The following ARPC1B variants were observed in gnomAD, a reference collection of about 807,000 sequenced individuals.
ARPC1B encodes the protein actin related protein 2/3 complex subunit 1B, also known as actin-related protein 2/3 complex subunit 1B.
In ARPC1B, 29 loss-of-function variants were observed where a neutral mutation model predicts 46.0. The ratio of observed to expected loss-of-function variants is 0.63; its 90% CI spans 0.47 to 0.86. The LOEUF (loss-of-function observed/expected upper bound fraction) is 0.86, where lower values mean the gene tolerates loss of function less well. Among genes scored for constraint, ARPC1B ranks in the 40% least tolerant of loss-of-function variants. The pLI, the probability that ARPC1B is intolerant of heterozygous loss-of-function variation, is 0.00. For missense variants in ARPC1B, 469 were observed against 529.4 expected, an observed-to-expected ratio of 0.89 and a Z score of 1.12; for synonymous variants, 201 against 213.9, an observed-to-expected ratio of 0.94 and a Z score of 0.53.
Position 99,391,099 on chromosome 7 carries a change from C to A in ARPC1B, c.707C>A (p.Ala236Asp). 6.2e-7 allele frequency: 1 copy of A among 1,612,828 alleles called. No homozygotes were observed. Among genetic ancestry groups the A allele is most frequent in the African/African-American group, 1.3e-5 (1 of 75,036 alleles). The stretch of plus-strand genomic sequence containing the variant: ...CTGGCTGATGCCGACAAGAAGATGG[C>A]GTGAGTCGAGGCCATCCCCAGGGGA... ...VCLADADKKM[A>D]VATLASETLP... Residue 236 changes from alanine to aspartate, a missense_variant and splice_region_variant, in exon 6 of 10, where the codon GCC becomes GAC. Coordinates refer to ENST00000646101, the MANE Select transcript of ARPC1B (RefSeq NM_005720.4).
chr7:99,394,148 C>T, intron 9 of ARPC1B, 29 bp downstream of exon 9: 1 of 1,608,148 alleles, frequency 6.2e-7, no homozygotes, highest in Non-Finnish European at 8.5e-7. Flanking sequence ...GGCTTCCCGC[C>T]ATGCCTCCCA....
chr7:99,390,153 G>A (rs987789758), intron 5 of ARPC1B, 141 bp downstream of exon 5: 17 of 703,352 alleles, frequency 2.4e-5, no homozygotes, highest in Non-Finnish European at 3.1e-5. Flanking sequence ...CCTGGGCGTC[G>A]GTTGAAGGTT....
chr7:99,392,597 G>A, intron 7 of ARPC1B, 74 bp from the exon 8 acceptor site: 4 of 1,365,724 alleles, frequency 2.9e-6, no homozygotes, highest in Non-Finnish European at 2.9e-6. Flanking sequence ...CGGGCGGCCA[G>A]ACGCCCGCCT....
rs750089172 is a variant in ARPC1B at position 99,391,222 on chromosome 7, C to A, written c.752C>A (p.Thr251Asn). The A allele has an allele frequency of 1.9e-6, 3 of 1,614,024 alleles. No individual in the cohort carries two copies. Among genetic ancestry groups the A allele is most frequent in the Non-Finnish European group, 2.5e-6 (3 of 1,180,020 alleles). ...ASETLPLLALTFITDNSLVAA... is the reference protein window; with the variant it reads ...ASETLPLLALNFITDNSLVAA... Reference sequence around the variant, plus strand: ...GAAACACTACCACTGCTGGCGCTGACCTTCATCACAGACAACAGCCTGGTG... The same window carrying A: ...GAAACACTACCACTGCTGGCGCTGAACTTCATCACAGACAACAGCCTGGTG... The change falls in exon 7 of 10, where the codon ACC becomes AAC. Residue 251 changes from threonine to asparagine, a missense_variant. Transcript: ENST00000646101.
intron 1 of ARPC1B, chr7:99,376,645 C>G (rs948622346): frequency 2.6e-5 from 4 of 152,314 alleles, no homozygotes; most frequent in Non-Finnish European, 5.9e-5. Context: ...CCGAGGCAGG[C>G]AGATTACCTG....
At chr7:99,385,034 C>T (rs1160987145) in intron 1 of ARPC1B, among the ~76,000 whole-genome samples, 2 of 138,494 alleles carry the variant, frequency 1.4e-5, no homozygotes, top group East Asian at 2.2e-4. Flanking sequence ...GGTGCGATCT[C>T]GGCTTACTGC....
At chr7:99,375,796 C>T (rs755230450) in intron 1 of ARPC1B, among the ~76,000 whole-genome samples, 1 of 152,208 alleles carries the variant, frequency 6.6e-6, no homozygotes, top group Non-Finnish European at 1.5e-5. Context: ...GGCGCTGTGG[C>T]TCATGCCTGT....
At chr7:99,383,531 G>A (rs1427492483) in intron 1 of ARPC1B, among the ~76,000 whole-genome samples, 1 of 152,210 alleles carries the variant, frequency 6.6e-6, no homozygotes, top group Non-Finnish European at 1.5e-5. Context: ...CAGCGGGCCA[G>A]ATCAGTGAGT....
chr7:99,385,772 C>A lies in ARPC1B; in HGVS notation c.58C>A (p.Arg20Ser), dbSNP rs750614736. 32 of 1,609,408 alleles carry A rather than the reference C, an allele frequency of 2.0e-5. No homozygotes were observed. The highest frequency in any genetic ancestry group is 2.7e-5 in the Non-Finnish European group (32 of 1,178,990). ...PISCHAWNKDRTQIAICPNNH... is the reference protein window; with the variant it reads ...PISCHAWNKDSTQIAICPNNH... The stretch of plus-strand genomic sequence containing the variant: ...CAGCTGCCACGCCTGGAACAAGGAC[C>A]GCACCCGTGAGTGCTTGCTGGGGGC... The change falls in exon 2 of 10, where the codon CGC becomes AGC. Residue 20 changes from arginine (R) to serine (S), a missense_variant. Coordinates refer to ENST00000646101, the MANE Select transcript of ARPC1B (RefSeq NM_005720.4).
At chr7:99,389,724 C>G (rs1794506943) in intron 4 of ARPC1B, 181 bp from the exon 5 acceptor site, 6 of 626,078 alleles carry the variant, frequency 9.6e-6, no homozygotes, top group Middle Eastern at 4.5e-4. Context: ...AGAAGCGACA[C>G]AGCACATCCC....
At chr7:99,382,225 G>A (rs992689444) in intron 1 of ARPC1B, among the ~76,000 whole-genome samples, 1 of 152,022 alleles carries the variant, frequency 6.6e-6, no homozygotes, top group Non-Finnish European at 1.5e-5. Context: ...ATCACTTGAG[G>A]TCAGGAGTTC....
At position 99,392,974 on chromosome 7, in the gene ARPC1B, T is replaced by C. The variant is rs1361501838; in HGVS notation, c.989+98T>C. ...GGCCTGGAGTCTTCCTCCTGGGGCATTGTGCTGGGACCTTGAGGACTGGGG... is the reference window on the plus strand; with the variant it reads ...GGCCTGGAGTCTTCCTCCTGGGGCACTGTGCTGGGACCTTGAGGACTGGGG... On this transcript the variant is annotated intron_variant, in intron 8 of 9. Coordinates refer to ENST00000646101, the MANE Select transcript of ARPC1B (RefSeq NM_005720.4). The C allele has an allele frequency of 9.4e-6, 12 of 1,273,888 alleles. No homozygotes were observed. The South Asian group carries it at 1.8e-4, about 19-fold the overall frequency. 78.9% of individuals were successfully genotyped at this position (1,273,888 alleles called of 1,614,324 possible).
chr7:99,380,498 T>C (rs1794180837), intron 1 of ARPC1B, among the ~76,000 whole-genome samples: 1 of 152,336 alleles, frequency 6.6e-6, no homozygotes, highest in East Asian at 1.9e-4. Context: ...GATTGGCTGA[T>C]AGGTGTGGTC....
In ARPC1B at chr7:99,374,742, G is replaced by A. The variant is rs933873116; in HGVS notation, c.-53G>A. ...CGGCGCGGAGCCCAGAGCCGGTTCG[G>A]CGCGTCGACTGCCCAGAGTCCGCGG... On this transcript the variant is annotated 5_prime_UTR_variant, in exon 1 of 10. Coordinates refer to ENST00000646101, the MANE Select transcript of ARPC1B (RefSeq NM_005720.4). The surrounding 1 kb of genome is among the most constrained non-coding windows in gnomAD (Gnocchi z 5.0). 1 of 152,198 alleles carries A rather than the reference G, an allele frequency of 6.6e-6. No homozygotes were observed. The highest frequency in any genetic ancestry group is 2.0e-4 in the East Asian group (1 of 5,116). 9.4% of individuals were successfully genotyped at this position (152,198 alleles called of 1,614,324 possible).
Position 99,390,073 on chromosome 7 carries a change from C to A in ARPC1B, c.500+61C>A, listed in dbSNP as rs997995641. The A allele has an allele frequency of 3.4e-6, 5 of 1,455,092 alleles. No individual in the cohort carries two copies. In the South Asian group the frequency reaches 4.6e-5, roughly 13 times the overall value. The allele number at this position is 1,455,092 out of a possible 1,614,324, so 90.1% of individuals were successfully genotyped here. On this transcript the variant is annotated intron_variant, in intron 5 of 9. Transcript: ENST00000646101. ...CGTCAACTGACTGCTGACATCATAG[C>A]GGGGAGCCGCACCTGAAAGCTCTAC... is the stretch of plus-strand genomic sequence containing the variant.
chr7:99,382,310 T>C (rs1427910450), intron 1 of ARPC1B, among the ~76,000 whole-genome samples: 1 of 150,440 alleles, frequency 6.6e-6, no homozygotes, highest in East Asian at 1.9e-4. Context: ...GGTGCGCACC[T>C]GTAATCCCAG....
chr7:99,386,183 G>A lies in ARPC1B; in HGVS notation c.64+405G>A, dbSNP rs527494633. Reference sequence around the variant, plus strand: ...CGAGAATTGCTTGAACCCAGGAGGCGGAGGTTGCAGTGAGTCGAGATTGCA... The same window carrying A: ...CGAGAATTGCTTGAACCCAGGAGGCAGAGGTTGCAGTGAGTCGAGATTGCA... On this transcript the variant is annotated intron_variant, in intron 2 of 9. Coordinates refer to ENST00000646101, the MANE Select transcript of ARPC1B (RefSeq NM_005720.4). Among the ~76,000 whole-genome samples the A allele has an allele frequency of 1.2e-4, 18 of 151,876 alleles. No individual in the cohort carries two copies. In the South Asian group the frequency reaches 1.9e-3, roughly 16 times the overall value.
At position 99,392,746 on chromosome 7, in the gene ARPC1B, G is replaced by T. The variant is rs531320395; in HGVS notation, c.859G>T (p.Val287Phe). The T allele has an allele frequency of 1.3e-6, 2 of 1,548,762 alleles. No individual in the cohort carries two copies. Among genetic ancestry groups the T allele is most frequent in the East Asian group, 2.4e-5 (1 of 40,868 alleles). ...GMLSFGGRLD[V>F]PKQSSQRGLT... ...GCTGAGCTTCGGCGGGCGGCTGGAC[G>T]TTCCTAAGCAGAGCTCGCAGCGTGG... The change falls in exon 8 of 10, where the codon GTT becomes TTT. Residue 287 changes from valine (V) to phenylalanine (F), a missense_variant. Coordinates refer to ENST00000646101, the MANE Select transcript of ARPC1B (RefSeq NM_005720.4).
intron 1 of ARPC1B, among the ~76,000 whole-genome samples, chr7:99,378,141 C>T (rs978058555): frequency 6.6e-6 from 1 of 152,084 alleles, no homozygotes; most frequent in African/African-American, 2.4e-5. Context: ...CTCACTGCAA[C>T]CTCCACCTTC....
Sources: allele counts gnomAD v4.1 joint callset (sites outside exome capture counted in the v4.1 genomes callset), GRCh38; gene constraint gnomAD v4.1.1; non-coding constraint Gnocchi (gnomAD v3.1); transcripts MANE v1.5; gene names NCBI Gene and HGNC (gene_info 2026-07-23, HGNC 2026-07-21).